Variants in WSB1 observed in about 807,000 individuals in gnomAD.
WSB1 encodes WD repeat and SOCS box containing 1.
Under a neutral mutation model 50.2 loss-of-function variants are expected in WSB1, and 23 were observed. That is an observed-to-expected ratio of 0.46 (90% CI 0.33 to 0.65). The LOEUF (loss-of-function observed/expected upper bound fraction) is 0.65, where lower values mean the gene tolerates loss of function less well. Ranked by LOEUF, WSB1 falls within the 30% of genes least tolerant of loss-of-function variation. The probability of loss-of-function intolerance (pLI) is 0.02; values close to 1 mark genes in which losing one functional copy is unlikely to be tolerated. For missense variants in WSB1, 492 were observed against 522.3 expected (o/e 0.94, Z 0.56); for synonymous variants, 179 against 172.0 (o/e 1.04, Z -0.32).
At chr17:27,306,504 C>T (rs1306128475) in intron 4 of WSB1, among the ~76,000 whole-genome samples, 3 of 152,076 alleles carry the variant, frequency 2.0e-5, no homozygotes, top group African/African-American at 4.8e-5. Context: ...CAAGAGCCAC[C>T]GCGCCAGGCC....
At chr17:27,295,765 C>T (rs1183166468) in intron 1 of WSB1, among the ~76,000 whole-genome samples, 1 of 151,670 alleles carries the variant, frequency 6.6e-6, no homozygotes, top group Admixed American at 6.6e-5. Flanking sequence ...GAGTGATCTG[C>T]CTTTTTTTTA....
At chr17:27,311,426 A>G (rs1042923305) in intron 7 of WSB1, 83 bp from the exon 8 acceptor site, 29 of 1,042,634 alleles carry the variant, frequency 2.8e-5, no homozygotes, top group Non-Finnish European at 3.7e-5. Context: ...TCATAACTCA[A>G]TGGCATTTCT....
Position 27,314,698 on chromosome 17 carries a change from C to T in WSB1, c.*2329C>T, listed in dbSNP as rs1279331050. The T allele has an allele frequency of 1.3e-5, 2 of 151,920 alleles. No homozygotes were observed. Among genetic ancestry groups the T allele is most frequent in the Admixed American group, 6.6e-5 (1 of 15,244 alleles). The allele number at this position is 151,920 out of a possible 1,614,324, so 9.4% of individuals were successfully genotyped here. On this transcript the variant is annotated 3_prime_UTR_variant, in exon 9 of 9. Coordinates refer to ENST00000262394, the MANE Select transcript of WSB1 (RefSeq NM_015626.10). ...TTATTTTTTTTGAGACGGAGTCTCACACTGTCACCTGGGCTGGAGTGCAGT... is the reference window on the plus strand; with the variant it reads ...TTATTTTTTTTGAGACGGAGTCTCATACTGTCACCTGGGCTGGAGTGCAGT...
At position 27,294,365 on chromosome 17, in the gene WSB1, C is replaced by T. The variant is rs2016854210; in HGVS notation, c.-31C>T. On this transcript the variant is annotated 5_prime_UTR_variant, in exon 1 of 9. Coordinates refer to ENST00000262394, the MANE Select transcript of WSB1 (RefSeq NM_015626.10). ...CTCTTCTCTGTTGTTGGGTCCGCAT[C>T]GTATTCCCGGAATCAGACGGTGCCC... 1.2e-6 allele frequency: 2 copies of T among 1,612,124 alleles called. No homozygotes were observed. The highest frequency in any genetic ancestry group is 1.3e-5 in the African/African-American group (1 of 74,884).
rs1438095376 is a variant in WSB1 at position 27,312,865 on chromosome 17, C to G, written c.*496C>G. On this transcript the variant is annotated 3_prime_UTR_variant, in exon 9 of 9. Coordinates refer to ENST00000262394, the MANE Select transcript of WSB1 (RefSeq NM_015626.10). ...TGGCAAACATGATGAAACCCTGTCT[C>G]TACTAAAAATACAAAAAAAAAAAAA... is the stretch of plus-strand genomic sequence containing the variant. 4.0e-5 allele frequency: 6 copies of G among 150,256 alleles called. No individual in the cohort carries two copies. The East Asian group carries it at 1.2e-3, about 29-fold the overall frequency. 9.3% of individuals were successfully genotyped at this position (150,256 alleles called of 1,614,324 possible). A position where few individuals can be genotyped will look rare whatever the true frequency, so the allele number is the denominator to read the frequency against.
chr17:27,308,915 G>C, intron 5 of WSB1, 185 bp from the exon 6 acceptor site: 1 of 1,213,024 alleles, frequency 8.2e-7, no homozygotes, highest in Non-Finnish European at 1.0e-6. Flanking sequence ...GAATTTGCAT[G>C]TCTGCCTTAA....
chr17:27,301,839 A>G lies in WSB1; in HGVS notation c.92A>G (p.Lys31Arg), dbSNP rs779208734. Residue 31 changes from lysine to arginine, a missense_variant, in exon 2 of 9, where the codon AAG (lysine) becomes AGG (arginine). Physicochemically the swap from Lys to Arg is conservative, Grantham distance 26. Transcript: ENST00000262394. ...ELLAPAAPFDKKCGRENWTVA... is the reference protein window; with the variant it reads ...ELLAPAAPFDRKCGRENWTVA... ...TTAGCTCCTGCAGCTCCTTTTGACA[A>G]GAAATGTGGTCGTGAAAATTGGACT... 1 of 1,614,114 alleles carries G rather than the reference A, an allele frequency of 6.2e-7. No homozygotes were observed.
intron 1 of WSB1, among the ~76,000 whole-genome samples, chr17:27,298,988 G>A (rs571809139): frequency 6.6e-6 from 1 of 152,110 alleles, no homozygotes; most frequent in Non-Finnish European, 1.5e-5. Context: ...TTAAGCCTAC[G>A]AGTTTGCCTC....
rs1241828999 is a variant in WSB1, at chr17:27,315,004, T to A, written c.*2635T>A. 6.6e-6 allele frequency: 1 copy of A among 152,224 alleles called. No homozygotes were observed. Among genetic ancestry groups the A allele is most frequent in the African/African-American group, 2.4e-5 (1 of 41,424 alleles). The allele number at this position is 152,224 out of a possible 1,614,324, so 9.4% of individuals were successfully genotyped here. On this transcript the variant is annotated 3_prime_UTR_variant, in exon 9 of 9. Transcript: ENST00000262394. ...TTGGAAGCTACATTCTGTGAGATGT[T>A]CACCTGTTTGCCACCTCTTCTCGTG...
chr17:27,298,126 GAAAAAAA>G (rs35222722), intron 1 of WSB1, among the ~76,000 whole-genome samples: 9 of 74,204 alleles, frequency 1.2e-4, no homozygotes, highest in Middle Eastern at 9.1e-3. Flanking sequence ...CTCCGTCTCA[GAAAAAAA>G]AAAAAAAAAA....
At chr17:27,302,805 T>C (rs1406714418) in intron 2 of WSB1, 1 of 152,308 alleles carries the variant, frequency 6.6e-6, no homozygotes, top group Admixed American at 6.5e-5. Context: ...TGGATGTTTG[T>C]TGAAAGTTTT....
In WSB1 at chr17:27,312,280, A is replaced by G. The variant is rs766890992; in HGVS notation, c.1177A>G (p.Met393Val). The G allele has an allele frequency of 1.3e-5, 21 of 1,614,066 alleles. No individual in the cohort carries two copies. The South Asian group carries it at 1.3e-4, about 10-fold the overall frequency. The change falls in exon 9 of 9, where the codon ATG becomes GTG. Residue 393 changes from methionine (M) to valine (V), a missense_variant. Met to Val is a conservative substitution (Grantham distance 21). Coordinates refer to ENST00000262394, the MANE Select transcript of WSB1 (RefSeq NM_015626.10). ...QVPSLQHLCR[M>V]SIRRVMPTQE... ...CCCTAGCCTGCAACATTTATGTCGC[A>G]TGTCAATCCGAAGAGTGATGCCCAC...
At chr17:27,297,697 C>G (rs560140050) in intron 1 of WSB1, among the ~76,000 whole-genome samples, 2 of 152,298 alleles carry the variant, frequency 1.3e-5, no homozygotes, top group African/African-American at 4.8e-5. Context: ...CTCAAGTGAT[C>G]CATCCACCTT....
chr17:27,305,020 G>T (rs1175774442), intron 4 of WSB1, 109 bp downstream of exon 4: 6 of 1,425,344 alleles, frequency 4.2e-6, no homozygotes. Context: ...TGTGATCAAA[G>T]TTCCTTTTCT....
intron 1 of WSB1, among the ~76,000 whole-genome samples, chr17:27,299,458 C>T (rs1281490110): frequency 6.6e-6 from 1 of 152,216 alleles, no homozygotes; most frequent in Admixed American, 6.5e-5. Context: ...CTACAGTGCG[C>T]AGTTATTGTG....
chr17:27,309,877 G>A (rs72845638), intron 6 of WSB1, among the ~76,000 whole-genome samples, 184 bp from the exon 7 acceptor site: 30,110 of 152,046 alleles, frequency 0.2, 3,615 homozygotes, highest in Middle Eastern at 0.29. Context: ...CACTGCGCCC[G>A]ACCATAAAAG....
In WSB1 at chr17:27,306,819, G is replaced by A; in HGVS notation, c.648G>A (p.Trp216Ter). ...MMKVLRGHQNWVYSCAFSPDS... is the reference protein window; with the variant it reads ...MMKVLRGHQN ...AAGTATTGAGGGGGCATCAGAATTG[G>A]GTGTACAGCTGTGCATTCTCTCCTG... The change falls in exon 5 of 9, where the codon TGG becomes TGA. Residue 216 changes from tryptophan to a stop codon, truncating the protein, a stop_gained. Coordinates refer to ENST00000262394, the MANE Select transcript of WSB1 (RefSeq NM_015626.10). LOFTEE classifies it high-confidence loss of function. 1 of 1,614,086 alleles carries A rather than the reference G, an allele frequency of 6.2e-7. No individual in the cohort carries two copies. The highest frequency in any genetic ancestry group is 8.5e-7 in the Non-Finnish European group (1 of 1,180,014).
intron 4 of WSB1, among the ~76,000 whole-genome samples, chr17:27,305,579 C>CT (rs2017417617): frequency 6.6e-6 from 1 of 152,208 alleles, no homozygotes; most frequent in African/African-American, 2.4e-5. Context: ...AATGTAAGGT[C>CT]TGTTGGTGCT....
In WSB1 at chr17:27,313,352, T is replaced by C. The variant is rs924993519; in HGVS notation, c.*983T>C. 1 of 152,092 alleles carries C rather than the reference T, an allele frequency of 6.6e-6. No homozygotes were observed. The allele number at this position is 152,092 out of a possible 1,614,324, so 9.4% of individuals were successfully genotyped here. On this transcript the variant is annotated 3_prime_UTR_variant, in exon 9 of 9. Coordinates refer to ENST00000262394, the MANE Select transcript of WSB1 (RefSeq NM_015626.10). ...CCTTGTGGTATAAAGTATTATAAAT[T>C]GTTGTGAATTTGAAGAATCCGTCTA...
Sources: gnomAD v4.1 joint callset for allele counts (sites outside exome capture counted in the v4.1 genomes callset) on GRCh38, gnomAD v4.1.1 for gene constraint, MANE v1.5 for transcripts, NCBI Gene and HGNC (gene_info 2026-07-23, HGNC 2026-07-21) for gene names.